RNF216: variants seen among roughly 807,000 people sequenced by gnomAD.
RNF216 encodes the protein ring finger protein 216.
Under a neutral mutation model 110.8 loss-of-function variants are expected in RNF216, and 72 were observed. The ratio of observed to expected loss-of-function variants is 0.65; its 90% CI spans 0.54 to 0.79. The LOEUF is 0.79. Ranked by LOEUF, RNF216 falls within the 30% of genes least tolerant of loss-of-function variation. The pLI, the probability that RNF216 is intolerant of heterozygous loss-of-function variation, is 0.00. For synonymous variants in RNF216, 495 were observed against 407.5 expected (o/e 1.21, Z -2.59); for missense variants, 1,342 against 1,141.2 (o/e 1.18, Z -2.54).
intron 13 of RNF216, among the ~76,000 whole-genome samples, chr7:5,699,114 C>T (rs374256724): frequency 2.0e-5 from 3 of 152,132 alleles, no homozygotes; most frequent in East Asian, 3.9e-4. Context: ...ACCCTATGCA[C>T]CCATTATCGT....
intron 4 of RNF216, chr7:5,739,660 A>C (rs1224323297): frequency 2.1e-6 from 1 of 487,198 alleles, no homozygotes; most frequent in Non-Finnish European, 4.0e-6. Context: ...AATAAGTTAC[A>C]ATCTCATGCC....
chr7:5,632,597 C>T (rs568068274), intron 15 of RNF216, among the ~76,000 whole-genome samples: 5 of 152,086 alleles, frequency 3.3e-5, no homozygotes, highest in Non-Finnish European at 5.9e-5. Context: ...GCCAACATGG[C>T]GAAACCCCAT....
At chr7:5,694,037 C>A (rs1004371486) in intron 13 of RNF216, among the ~76,000 whole-genome samples, 3 of 152,156 alleles carry the variant, frequency 2.0e-5, no homozygotes, top group African/African-American at 4.8e-5. Flanking sequence ...TGCTCCCAGG[C>A]ATCATGGGTT....
chr7:5,706,151 T>C (rs1584483564), intron 13 of RNF216, among the ~76,000 whole-genome samples: 2 of 139,980 alleles, frequency 1.4e-5, no homozygotes, highest in African/African-American at 5.5e-5. Context: ...ACCCGGAAGG[T>C]GGAGGTTGCA....
intron 1 of RNF216, among the ~76,000 whole-genome samples, chr7:5,770,585 T>C (rs1357369520): frequency 6.6e-6 from 1 of 152,058 alleles, no homozygotes; most frequent in African/African-American, 2.4e-5. Context: ...GATGTGTAGA[T>C]TTAATACAAC....
At chr7:5,670,511 A>G (rs114608821) in intron 13 of RNF216, among the ~76,000 whole-genome samples, 421 of 152,324 alleles carry the variant, frequency 2.8e-3, no homozygotes, top group African/African-American at 9.5e-3. Flanking sequence ...TGGTACAGTT[A>G]ATCATGTATG....
chr7:5,641,268 C>T lies in RNF216; in HGVS notation c.2268G>A (p.Met756Ile). 6.2e-7 allele frequency: 1 copy of T among 1,614,144 alleles called. No homozygotes were observed. The highest frequency in any genetic ancestry group is 8.5e-7 in the Non-Finnish European group (1 of 1,180,020). ...TAATAGAAACTCGACAGAGGTAGCACATCTGGGCACCACAGCGGCAAGACA... is the reference window on the plus strand; with the variant it reads ...TAATAGAAACTCGACAGAGGTAGCATATCTGGGCACCACAGCGGCAAGACA... ...NRMSCRCGAQ[M>I]CYLCRVSING... Residue 756 changes from methionine to isoleucine, a missense_variant, in exon 15 of 17, where the codon ATG (methionine) becomes ATA (isoleucine). Coordinates refer to ENST00000389902, the MANE Select transcript of RNF216 (RefSeq NM_207111.4).
chr7:5,723,591 G>A (rs528745208), intron 8 of RNF216, among the ~76,000 whole-genome samples: 1 of 151,872 alleles, frequency 6.6e-6, no homozygotes, highest in South Asian at 2.1e-4. Flanking sequence ...AGTTTGCAGT[G>A]AGCCGAGATT....
rs201661241 is a variant in RNF216 at position 5,712,876 on chromosome 7, G to T, written c.1834-13C>A. 3 of 1,588,474 alleles carry T rather than the reference G, an allele frequency of 1.9e-6. No individual in the cohort carries two copies. The highest frequency in any genetic ancestry group is 8.5e-7 in the Non-Finnish European group (1 of 1,170,756). On this transcript the variant is annotated splice_polypyrimidine_tract_variant and intron_variant, in intron 11 of 16. Transcript: ENST00000389902. Reference sequence around the variant, plus strand: ...AGCTGAGCTCCAACTAGAAAAAGGCGAAAAGGCAAAGAAAAAAAAATCAAT... The same window carrying T: ...AGCTGAGCTCCAACTAGAAAAAGGCTAAAAGGCAAAGAAAAAAAAATCAAT...
intron 15 of RNF216, among the ~76,000 whole-genome samples, chr7:5,629,353 T>C (rs972235376): frequency 2.6e-5 from 4 of 151,810 alleles, no homozygotes; most frequent in Admixed American, 2.6e-4. Flanking sequence ...ACTGGGGGGC[T>C]ATTTGTGGGG....
intron 13 of RNF216, among the ~76,000 whole-genome samples, chr7:5,682,850 T>C (rs1790748399): frequency 6.6e-6 from 1 of 152,194 alleles, no homozygotes; most frequent in Admixed American, 6.5e-5. Context: ...TAGGGATCTA[T>C]TCTAAGGAAT....
chr7:5,722,295 C>G (rs1414602556), intron 8 of RNF216, among the ~76,000 whole-genome samples: 1 of 151,244 alleles, frequency 6.6e-6, no homozygotes, highest in African/African-American at 2.4e-5. Context: ...TTGGTAATCT[C>G]TTGATTTTAA....
chr7:5,664,916 C>T (rs1319115658), intron 13 of RNF216, among the ~76,000 whole-genome samples: 1 of 152,246 alleles, frequency 6.6e-6, no homozygotes, highest in Non-Finnish European at 1.5e-5. Flanking sequence ...CCTGCCACAG[C>T]CTCCCAAGTA....
intron 13 of RNF216, among the ~76,000 whole-genome samples, chr7:5,686,445 C>T (rs1790992570): frequency 2.0e-5 from 3 of 152,122 alleles, no homozygotes; most frequent in Non-Finnish European, 2.9e-5. Context: ...GATGTGCGGA[C>T]AGTCACACAG....
chr7:5,781,246 G>C (rs55642870), intron 1 of RNF216, among the ~76,000 whole-genome samples: 1 of 152,232 alleles, frequency 6.6e-6, no homozygotes, highest in African/African-American at 2.4e-5. Context: ...TTGCCCTCGC[G>C]CAGCAGACCC....
chr7:5,644,510 C>G (rs1787932737), intron 14 of RNF216, among the ~76,000 whole-genome samples: 1 of 150,468 alleles, frequency 6.6e-6, no homozygotes, highest in Non-Finnish European at 1.5e-5. Context: ...ATTGTTTGCC[C>G]ATTTTTTTTT....
chr7:5,770,125 T>C (rs1206996800), intron 1 of RNF216, among the ~76,000 whole-genome samples: 3 of 149,546 alleles, frequency 2.0e-5, no homozygotes, highest in South Asian at 2.1e-4. Context: ...GGCAAGCAGA[T>C]TGCTTGAGCA....
intron 13 of RNF216, among the ~76,000 whole-genome samples, chr7:5,670,411 C>T (rs990431750): frequency 3.3e-5 from 5 of 152,162 alleles, no homozygotes; most frequent in African/African-American, 9.7e-5. Flanking sequence ...CAAAAGGAGA[C>T]ACCCAGAACT....
chr7:5,756,952 G>A (rs1379941382), intron 2 of RNF216, among the ~76,000 whole-genome samples: 2 of 152,070 alleles, frequency 1.3e-5, no homozygotes, highest in African/African-American at 4.8e-5. Context: ...TTTACTTCTT[G>A]TCTAATGTAT....
Sources: allele counts gnomAD v4.1 joint callset (sites outside exome capture counted in the v4.1 genomes callset), GRCh38; gene constraint gnomAD v4.1.1; transcripts MANE v1.5; gene names NCBI Gene and HGNC (gene_info 2026-07-23, HGNC 2026-07-21).